Variants in GDF11 observed in about 807,000 individuals in gnomAD.
GDF11 encodes growth differentiation factor 11, also known as growth/differentiation factor 11.
GDF11 carries 12 observed loss-of-function variants against 34.4 expected under a neutral mutation model. That is an observed-to-expected ratio of 0.35 (90% confidence interval 0.22 to 0.57). The LOEUF is 0.57. GDF11 is among the 20% of genes least tolerant of loss of function. GDF11 has a pLI of 0.86. For missense variants in GDF11, 346 were observed against 548.2 expected (o/e 0.63, Z 3.68); for synonymous variants, 212 against 231.1 (o/e 0.92, Z 0.75).
Position 55,743,228 on chromosome 12 carries a change from C to CCCT in GDF11, c.-80_-78dup, listed in dbSNP as rs1453116013. 8.2e-6 allele frequency: 3 copies of CCCT among 364,180 alleles called. No individual in the cohort carries two copies. The highest frequency in any genetic ancestry group is 1.1e-5 in the Non-Finnish European group (3 of 265,826). The allele number at this position is 364,180 out of a possible 1,614,324, so 22.6% of individuals were successfully genotyped here. ...CCCCCAATCCCGCGCCGCCCGGACC[C>CCCT]CCTCCTCCTCCCTCCCTCCTCCCTC... On this transcript the variant is annotated 5_prime_UTR_variant, in exon 1 of 3. Transcript: ENST00000257868.
chr12:55,743,769 G>C lies in GDF11; in HGVS notation c.445+8G>C. The stretch of plus-strand genomic sequence containing the variant: ...TTAGCATGGCCCAGGAGAGTAAGTG[G>C]GCTGCGGGGCGCGAGCAGTGGGGTG... On this transcript the variant is annotated splice_region_variant and intron_variant, in intron 1 of 2. Coordinates refer to ENST00000257868, the MANE Select transcript of GDF11 (RefSeq NM_005811.5). The C allele has an allele frequency of 1.3e-6, 2 of 1,523,850 alleles. No individual in the cohort carries two copies. Among genetic ancestry groups the C allele is most frequent in the Middle Eastern group, 1.8e-4 (1 of 5,588 alleles). 94.4% of individuals were successfully genotyped at this position (1,523,850 alleles called of 1,614,324 possible). A position where few individuals can be genotyped will look rare whatever the true frequency, so the allele number is the denominator to read the frequency against.
rs755933995 is a variant in GDF11 at position 55,749,883 on chromosome 12, G to C, written c.*1G>C. 4 of 1,610,020 alleles carry C rather than the reference G, an allele frequency of 2.5e-6. No homozygotes were observed. Among genetic ancestry groups the C allele is most frequent in the Non-Finnish European group, 3.4e-6 (4 of 1,177,266 alleles). ...GGTGGATCGCTGTGGCTGCTCTTAA[G>C]GTGGGGGATAGAGGATGCCTCCCCC... On this transcript the variant is annotated 3_prime_UTR_variant, in exon 3 of 3. Transcript: ENST00000257868. The surrounding 1 kb of genome is among the most constrained non-coding windows in gnomAD (Gnocchi z 5.6).
Position 55,748,485 on chromosome 12 carries a change from G to T in GDF11, c.446-101G>T. ...ATGGGAGAAGGGTAAAGAAGAACTG[G>T]AAAATCAGGCTGAGAAGTCCAAAAT... is the stretch of plus-strand genomic sequence containing the variant. On this transcript the variant is annotated intron_variant, in intron 1 of 2. Transcript: ENST00000257868. This position sits in a 1 kb window ranked among gnomAD's most constrained non-coding sequence, Gnocchi z 5.6. 9.6e-7 allele frequency: 1 copy of T among 1,041,816 alleles called. No homozygotes were observed. The highest frequency in any genetic ancestry group is 1.5e-5 in the South Asian group (1 of 65,362). The allele number at this position is 1,041,816 out of a possible 1,614,324, so 64.5% of individuals were successfully genotyped here.
At chr12:55,746,210 T>C (rs1379001219) in intron 1 of GDF11, among the ~76,000 whole-genome samples, 1 of 152,172 alleles carries the variant, frequency 6.6e-6, no homozygotes, top group Non-Finnish European at 1.5e-5. Context: ...CCTCTGTGGC[T>C]CTACCTGCTT....
rs891613798 is a variant in GDF11, at chr12:55,753,103, T to C, written c.*3221T>C. On this transcript the variant is annotated 3_prime_UTR_variant, in exon 3 of 3. Coordinates refer to ENST00000257868, the MANE Select transcript of GDF11 (RefSeq NM_005811.5). ...CTGGGGGTACCTAGAACAACCCCTC[T>C]CTGAAAAGCTTGAGCCAAAACAGTC... The C allele has an allele frequency of 3.9e-5, 6 of 152,218 alleles. No homozygotes were observed. Among genetic ancestry groups the C allele is most frequent in the African/African-American group, 1.4e-4 (6 of 41,438 alleles). 9.4% of individuals were successfully genotyped at this position (152,218 alleles called of 1,614,324 possible).
In GDF11 at chr12:55,755,566, T is replaced by C. The variant is rs1299711673; in HGVS notation, c.*5684T>C. On this transcript the variant is annotated 3_prime_UTR_variant, in exon 3 of 3. Transcript: ENST00000257868. ...GGGAGAGGAAGGAAGGGTACTAAGATCTCAGGTAAACAATTACAAGCCTCA... is the reference window on the plus strand; with the variant it reads ...GGGAGAGGAAGGAAGGGTACTAAGACCTCAGGTAAACAATTACAAGCCTCA... 2.6e-5 allele frequency: 4 copies of C among 152,134 alleles called. No individual in the cohort carries two copies. Among genetic ancestry groups the C allele is most frequent in the Non-Finnish European group, 5.9e-5 (4 of 68,026 alleles). The allele number at this position is 152,134 out of a possible 1,614,324, so 9.4% of individuals were successfully genotyped here.
At position 55,751,465 on chromosome 12, in the gene GDF11, C is replaced by A; in HGVS notation, c.*1583C>A. ...CCCTCAATGGAATGAGAAATGACAG[C>A]ACCCGCCACAGCCAAGAGATGAATT... On this transcript the variant is annotated 3_prime_UTR_variant, in exon 3 of 3. Transcript: ENST00000257868. The A allele has an allele frequency of 6.6e-6, 1 of 152,314 alleles. No individual in the cohort carries two copies. Among genetic ancestry groups the A allele is most frequent in the Non-Finnish European group, 1.5e-5 (1 of 68,102 alleles). 9.4% of individuals were successfully genotyped at this position (152,314 alleles called of 1,614,324 possible).
chr12:55,744,158 G>C (rs932297225), intron 1 of GDF11, among the ~76,000 whole-genome samples: 4 of 152,184 alleles, frequency 2.6e-5, no homozygotes, highest in Non-Finnish European at 5.9e-5. Context: ...CTGGACTGCA[G>C]TGCTCTCTGC....
rs1288110220 is a variant in GDF11 at position 55,752,523 on chromosome 12, C to T, written c.*2641C>T. On this transcript the variant is annotated 3_prime_UTR_variant, in exon 3 of 3. Coordinates refer to ENST00000257868, the MANE Select transcript of GDF11 (RefSeq NM_005811.5). Reference sequence around the variant, plus strand: ...CAGCAACCCAGTGGGAGTTAGCACCCCCTCCCACCTTATGATGTGTGTGGA... The same window carrying T: ...CAGCAACCCAGTGGGAGTTAGCACCTCCTCCCACCTTATGATGTGTGTGGA... 6.6e-6 allele frequency: 1 copy of T among 152,174 alleles called. No individual in the cohort carries two copies. The highest frequency in any genetic ancestry group is 1.5e-5 in the Non-Finnish European group (1 of 68,058). 9.4% of individuals were successfully genotyped at this position (152,174 alleles called of 1,614,324 possible). A position where few individuals can be genotyped will look rare whatever the true frequency, so the allele number is the denominator to read the frequency against.
At position 55,743,122 on chromosome 12, in the gene GDF11, AGCCGCCCGCCCCG is replaced by A. The variant is rs1878086350; in HGVS notation, c.-183_-171del. On this transcript the variant is annotated 5_prime_UTR_variant, in exon 1 of 3. Coordinates refer to ENST00000257868, the MANE Select transcript of GDF11 (RefSeq NM_005811.5). ...GCCTGGCCCGGGCTCGGGCCCCCCCAGCCGCCCGCCCCGGCCGCCCGCCCGCCCCGCCCGCGCG... is the reference window on the plus strand; with the variant it reads ...GCCTGGCCCGGGCTCGGGCCCCCCCAGCCGCCCGCCCGCCCCGCCCGCGCG... 9.3e-5 allele frequency among the ~76,000 whole-genome samples: 4 copies of A among 43,068 alleles called. No homozygotes were observed. The South Asian group carries it at 2.0e-3, about 21-fold the overall frequency. 28.3% of individuals were successfully genotyped at this position (43,068 alleles called of 152,430 possible).
At position 55,743,476 on chromosome 12, in the gene GDF11, T is replaced by C; in HGVS notation, c.160T>C (p.Ser54Pro). 6.7e-7 allele frequency: 1 copy of C among 1,495,480 alleles called. No individual in the cohort carries two copies. The allele number at this position is 1,495,480 out of a possible 1,614,324, so 92.6% of individuals were successfully genotyped here. A position where few individuals can be genotyped will look rare whatever the true frequency, so the allele number is the denominator to read the frequency against. Residue 54 changes from serine (S) to proline (P), a missense_variant, in exon 1 of 3, where the codon TCC becomes CCC. By Grantham distance (74) the Ser-to-Pro change is moderately conservative (BLOSUM62 -1). Coordinates refer to ENST00000257868, the MANE Select transcript of GDF11 (RefSeq NM_005811.5). ...GGAGCGCTCCAGCCGGCCAGCCCCG[T>C]CCGTGGCGCCCGAGCCGGACGGCTG... ...GGERSSRPAPSVAPEPDGCPV... is the reference protein window; with the variant it reads ...GGERSSRPAPPVAPEPDGCPV...
chr12:55,747,814 TATTTA>T (rs777498215), intron 1 of GDF11, among the ~76,000 whole-genome samples: 4 of 152,192 alleles, frequency 2.6e-5, no homozygotes, highest in Non-Finnish European at 4.4e-5. Flanking sequence ...TAATCTGGTG[TATTTA>T]ATATTATTTC....
Position 55,743,471 on chromosome 12 carries a change from C to A in GDF11, c.155C>A (p.Ala52Asp). The change falls in exon 1 of 3, where the codon GCC (alanine) becomes GAC (aspartate). Residue 52 changes from alanine to aspartate, a missense_variant. Coordinates refer to ENST00000257868, the MANE Select transcript of GDF11 (RefSeq NM_005811.5). ...GGGGGGGAGCGCTCCAGCCGGCCAG[C>A]CCCGTCCGTGGCGCCCGAGCCGGAC... ...GVGGERSSRP[A>D]PSVAPEPDGC... 6.8e-7 allele frequency: 1 copy of A among 1,476,388 alleles called. No homozygotes were observed. Among genetic ancestry groups the A allele is most frequent in the Non-Finnish European group, 9.0e-7 (1 of 1,113,832 alleles). The allele number at this position is 1,476,388 out of a possible 1,614,324, so 91.5% of individuals were successfully genotyped here.
Position 55,749,734 on chromosome 12 carries a change from T to A in GDF11, c.1076T>A (p.Val359Glu). 1 of 1,614,128 alleles carries A rather than the reference T, an allele frequency of 6.2e-7. No homozygotes were observed. The highest frequency in any genetic ancestry group is 8.5e-7 in the Non-Finnish European group (1 of 1,180,026). The change falls in exon 3 of 3, where the codon GTG (valine) becomes GAG (glutamate). Residue 359 changes from valine to glutamate, a missense_variant. Val to Glu is a moderately radical substitution (Grantham distance 121). Around this residue, in one of 3 missense-constraint regions of GDF11, gnomAD observed 205 missense variants for 311.3 expected, o/e 0.66. Coordinates refer to ENST00000257868, the MANE Select transcript of GDF11 (RefSeq NM_005811.5). This position sits in a 1 kb window ranked among gnomAD's most constrained non-coding sequence, Gnocchi z 5.6. The stretch of plus-strand genomic sequence containing the variant: ...CAAAAATATCCGCATACCCATTTGG[T>A]GCAGCAGGCCAATCCAAGAGGCTCT... ...FMQKYPHTHL[V>E]QQANPRGSAG...
At chr12:55,746,946 T>G (rs1359759301) in intron 1 of GDF11, among the ~76,000 whole-genome samples, 2 of 152,216 alleles carry the variant, frequency 1.3e-5, no homozygotes, top group African/African-American at 2.4e-5. Flanking sequence ...TTTAGGGAGT[T>G]CATTCACCAT....
chr12:55,750,064 G>A lies in GDF11; in HGVS notation c.*182G>A, dbSNP rs1004805326. 10 of 603,750 alleles carry A rather than the reference G, an allele frequency of 1.7e-5. No individual in the cohort carries two copies. The highest frequency in any genetic ancestry group is 2.6e-5 in the Non-Finnish European group (9 of 345,814). 37.4% of individuals were successfully genotyped at this position (603,750 alleles called of 1,614,324 possible). The stretch of plus-strand genomic sequence containing the variant: ...GGAATTGAGGGTGAGGGGTTTGGGG[G>A]AAAGGGGAAGCAGGGGCATAGTCAG... On this transcript the variant is annotated 3_prime_UTR_variant, in exon 3 of 3. Coordinates refer to ENST00000257868, the MANE Select transcript of GDF11 (RefSeq NM_005811.5).
rs1878274170 is a variant in GDF11 at position 55,750,084 on chromosome 12, A to C, written c.*202A>C. The C allele has an allele frequency of 5.1e-6, 3 of 582,794 alleles. No individual in the cohort carries two copies. The East Asian group carries it at 8.4e-5, about 16-fold the overall frequency. The allele number at this position is 582,794 out of a possible 1,614,324, so 36.1% of individuals were successfully genotyped here. Reference sequence around the variant, plus strand: ...TGGGGGAAAGGGGAAGCAGGGGCATAGTCAGGGTGGGGAGTGTTTGAAGTT... The same window carrying C: ...TGGGGGAAAGGGGAAGCAGGGGCATCGTCAGGGTGGGGAGTGTTTGAAGTT... On this transcript the variant is annotated 3_prime_UTR_variant, in exon 3 of 3. Coordinates refer to ENST00000257868, the MANE Select transcript of GDF11 (RefSeq NM_005811.5).
chr12:55,745,395 G>A (rs1191092888), intron 1 of GDF11, among the ~76,000 whole-genome samples: 3 of 152,032 alleles, frequency 2.0e-5, no homozygotes, highest in African/African-American at 7.2e-5. Context: ...AAGGGACCCT[G>A]CCTTCATGAG....
In GDF11 at chr12:55,748,971, A is replaced by G; in HGVS notation, c.831A>G (p.Gly277=). ...TDLAVTSLGP[G]AEGLHPFMEL... is the part of the protein sequence containing the mutation. Reference sequence around the variant, plus strand: ...TGGCTGTCACCTCCCTGGGGCCGGGAGCCGAGGGGCTGGTGAGCAGGGGGC... The same window carrying G: ...TGGCTGTCACCTCCCTGGGGCCGGGGGCCGAGGGGCTGGTGAGCAGGGGGC... The change falls in exon 2 of 3, where the codon GGA becomes GGG. Residue 277 remains glycine (G), a synonymous_variant. Coordinates refer to ENST00000257868, the MANE Select transcript of GDF11 (RefSeq NM_005811.5). This position sits in a 1 kb window ranked among gnomAD's most constrained non-coding sequence, Gnocchi z 5.6. 6.3e-7 allele frequency: 1 copy of G among 1,597,908 alleles called. No individual in the cohort carries two copies. Among genetic ancestry groups the G allele is most frequent in the Non-Finnish European group, 8.5e-7 (1 of 1,178,838 alleles).
Sources: allele counts gnomAD v4.1 joint callset (sites outside exome capture counted in the v4.1 genomes callset), GRCh38; gene constraint gnomAD v4.1.1; regional missense constraint gnomAD v4.1.1; non-coding constraint Gnocchi (gnomAD v3.1); transcripts MANE v1.5; gene names NCBI Gene and HGNC (gene_info 2026-07-23, HGNC 2026-07-21).